The following CAMTA1 variants were observed in gnomAD, a reference collection of about 807,000 sequenced individuals.
The protein encoded by CAMTA1 is calmodulin binding transcription activator 1, also known as calmodulin-binding transcription activator 1.
CAMTA1 carries 27 observed loss-of-function variants against 170.9 expected under a neutral mutation model. That is an observed-to-expected ratio of 0.16 (90% CI 0.12 to 0.22). CAMTA1 has a LOEUF of 0.22. Among genes scored for constraint, CAMTA1 ranks in the 10% least tolerant of loss-of-function variants. CAMTA1 has a pLI of 1.00. For synonymous variants in CAMTA1, 833 were observed against 891.5 expected (o/e 0.93, Z 1.17); for missense variants, 1,619 against 2,217.2 (o/e 0.73, Z 5.42).
At chr1:7,408,813 G>A (rs1431237446) in intron 5 of CAMTA1, among the ~76,000 whole-genome samples, 1 of 152,192 alleles carries the variant, frequency 6.6e-6, no homozygotes, top group African/African-American at 2.4e-5. Context: ...GGCAGGTGGG[G>A]AAACTGAGGC....
At chr1:7,028,267 A>G (rs1702277586) in intron 3 of CAMTA1, among the ~76,000 whole-genome samples, 1 of 152,232 alleles carries the variant, frequency 6.6e-6, no homozygotes, top group African/African-American at 2.4e-5. Context: ...AACTAAGCCA[A>G]GGAGAAAAAG....
intron 6 of CAMTA1, among the ~76,000 whole-genome samples, chr1:7,529,528 A>T (rs964325975): frequency 1.3e-5 from 2 of 152,184 alleles, no homozygotes; most frequent in Admixed American, 6.5e-5. Flanking sequence ...TAAGTAACTT[A>T]ACCTGAGCTC....
At position 7,745,511 on chromosome 1, in the gene CAMTA1, G is replaced by A. The variant is rs113477437; in HGVS notation, c.4371-334G>A. Among the ~76,000 whole-genome samples, 982 of 152,184 alleles carry A rather than the reference G, an allele frequency of 6.5e-3. 6 individuals are homozygous for A. The highest frequency in any genetic ancestry group is 9.6e-3 in the Non-Finnish European group (654 of 67,998). On this transcript the variant is annotated intron_variant, in intron 17 of 22. Transcript: ENST00000303635. ...ACTGCACCCCAGTCTGCGCAACAGA[G>A]CAAGATTCTGTCTCAAAAAAAAGAA...
rs145794603 is a variant in CAMTA1, at chr1:7,240,920, C to T, written c.303-8571C>T. ...AACAGGGCAAAGTGTTGATTCTCAC[C>T]GCTTCTATTCAACATTGGACTGGAG... On this transcript the variant is annotated intron_variant, in intron 4 of 22. Transcript: ENST00000303635. Among the ~76,000 whole-genome samples the T allele has an allele frequency of 9.2e-5, 14 of 152,218 alleles. No homozygotes were observed. The East Asian group carries it at 1.7e-3, about 19-fold the overall frequency.
intron 5 of CAMTA1, chr1:7,388,264 C>T (rs1469709346): frequency 3.9e-5 from 6 of 152,234 alleles, no homozygotes; most frequent in Non-Finnish European, 5.9e-5. Context: ...GCTGCAAACA[C>T]GCCTTGCTCC....
intron 16 of CAMTA1, among the ~76,000 whole-genome samples, chr1:7,742,970 A>G (rs1392613466): frequency 2.2e-4 from 33 of 152,078 alleles, no homozygotes. Context: ...CTGGGATTAC[A>G]GATACTGTAA....
intron 5 of CAMTA1, among the ~76,000 whole-genome samples, chr1:7,327,406 CAAAA>C (rs34737058): frequency 3.4e-5 from 3 of 87,898 alleles, no homozygotes; most frequent in East Asian, 3.6e-4. Context: ...GACTCCATCT[CAAAA>C]AAAAAAAAAA....
At chr1:7,102,420 G>A (rs768879344) in intron 4 of CAMTA1, among the ~76,000 whole-genome samples, 9 of 152,128 alleles carry the variant, frequency 5.9e-5, no homozygotes, top group Non-Finnish European at 1.0e-4. Flanking sequence ...TGATCTGTAG[G>A]AATTCAGGAT....
rs1014028568 is a variant in CAMTA1 at position 6,791,238 on chromosome 1, A to G, written c.45+5663A>G. Among the ~76,000 whole-genome samples, 5 of 145,318 alleles carry G rather than the reference A, an allele frequency of 3.4e-5. No individual in the cohort carries two copies. In the Admixed American group the frequency reaches 3.8e-4, roughly 11 times the overall value. On this transcript the variant is annotated intron_variant, in intron 1 of 22. Coordinates refer to ENST00000303635, the MANE Select transcript of CAMTA1 (RefSeq NM_015215.4). ...GAGGTTTCTTCACTGACCTGTCATT[A>G]TTATAAAAAAGTGTTTGTTAGATGT...
chr1:7,520,395 G>A (rs1168891068), intron 6 of CAMTA1, among the ~76,000 whole-genome samples: 2 of 149,234 alleles, frequency 1.3e-5, no homozygotes, highest in African/African-American at 2.5e-5. Flanking sequence ...GCTGGGTTAC[G>A]GCCCCTCTCC....
chr1:7,635,608 C>CAA lies in CAMTA1; in HGVS notation c.511-4774_511-4773dup, dbSNP rs767824479. Among the ~76,000 whole-genome samples the CAA allele has an allele frequency of 0.014, 1,231 of 90,170 alleles. 22 individuals carry two copies. Among genetic ancestry groups the CAA allele is most frequent in the African/African-American group, 0.039 (1,134 of 29,378 alleles). 59.2% of individuals were successfully genotyped at this position (90,170 alleles called of 152,430 possible). A position where few individuals can be genotyped will look rare whatever the true frequency, so the allele number is the denominator to read the frequency against. Reference sequence around the variant, plus strand: ...TGGGGGACAGAGCAAGACTCCGTCTCAAAAAAAAAAAAAAAAAAATACAGG... The same window carrying CAA: ...TGGGGGACAGAGCAAGACTCCGTCTCAAAAAAAAAAAAAAAAAAAAATACAGG... On this transcript the variant is annotated intron_variant, in intron 6 of 22. Transcript: ENST00000303635. This position sits in a 1 kb window ranked among gnomAD's most constrained non-coding sequence, Gnocchi z 4.4.
chr1:7,731,960 A>C (rs1482917503), intron 11 of CAMTA1, among the ~76,000 whole-genome samples: 2 of 152,216 alleles, frequency 1.3e-5, no homozygotes, highest in East Asian at 3.8e-4. Context: ...CAGGAAATAA[A>C]ATTTAAAACA....
At chr1:7,464,819 A>G (rs2093172583) in intron 5 of CAMTA1, among the ~76,000 whole-genome samples, 1 of 151,744 alleles carries the variant, frequency 6.6e-6, no homozygotes. Context: ...CACCCGAGAG[A>G]AAGGATTAGA....
intron 16 of CAMTA1, among the ~76,000 whole-genome samples, chr1:7,739,455 G>A (rs572507509): frequency 1.6e-4 from 24 of 152,246 alleles, no homozygotes; most frequent in South Asian, 4.1e-4. Flanking sequence ...GGGAGTTGCC[G>A]GGGGCACCAC....
At chr1:7,228,865 G>C (rs1161382505) in intron 4 of CAMTA1, among the ~76,000 whole-genome samples, 1 of 152,154 alleles carries the variant, frequency 6.6e-6, no homozygotes, top group Non-Finnish European at 1.5e-5. Flanking sequence ...AGTGTGTGCT[G>C]TGACACCAAG....
chr1:6,786,432 C>T (rs1451309050), intron 1 of CAMTA1, among the ~76,000 whole-genome samples: 1 of 152,142 alleles, frequency 6.6e-6, no homozygotes, highest in Non-Finnish European at 1.5e-5. Context: ...TTCCTTGGCA[C>T]AGGGGTCCGT....
chr1:6,899,111 T>A (rs1031310610), intron 3 of CAMTA1, among the ~76,000 whole-genome samples: 2 of 152,180 alleles, frequency 1.3e-5, no homozygotes, highest in African/African-American at 4.8e-5. Context: ...TGCACCATCA[T>A]GGAAGCGTGC....
rs2090451143 is a variant in CAMTA1, at chr1:7,408,345, G to A, written c.439-59485G>A. On this transcript the variant is annotated intron_variant, in intron 5 of 22. Transcript: ENST00000303635. The stretch of plus-strand genomic sequence containing the variant: ...GCTCCGCGTGTCTGTGGAGTAAGAG[G>A]TGGAGCCCCTGAGCCTTCTGCGAGC... Among the ~76,000 whole-genome samples, 3 of 152,388 alleles carry A rather than the reference G, an allele frequency of 2.0e-5. No homozygotes were observed. The South Asian group carries it at 6.2e-4, about 32-fold the overall frequency.
intron 3 of CAMTA1, among the ~76,000 whole-genome samples, chr1:6,832,956 A>T (rs1324073555): frequency 6.6e-6 from 1 of 152,156 alleles, no homozygotes; most frequent in African/African-American, 2.4e-5. Context: ...GAGATACATG[A>T]TACTGAAATA....
Sources: gnomAD v4.1 joint callset for allele counts (sites outside exome capture counted in the v4.1 genomes callset) on GRCh38, gnomAD v4.1.1 for gene constraint, Gnocchi (gnomAD v3.1) non-coding constraint, MANE v1.5 for transcripts, NCBI Gene and HGNC (gene_info 2026-07-23, HGNC 2026-07-21) for gene names.